The following STAG1 variants were observed in gnomAD, a reference collection of about 807,000 sequenced individuals.
STAG1 encodes STAG1 cohesin complex component.
STAG1 carries 26 observed loss-of-function variants against 170.9 expected under a neutral mutation model. That is an observed-to-expected ratio of 0.15 (90% CI 0.11 to 0.21). STAG1 has a LOEUF of 0.21. STAG1 is among the 10% of genes least tolerant of loss of function. The pLI is 1.00. For missense variants in STAG1, 964 were observed against 1,509.5 expected (o/e 0.64, Z 5.99); for synonymous variants, 514 against 497.7 (o/e 1.03, Z -0.44).
rs548086609 is a variant in STAG1, at chr3:136,582,150, C to A, written c.298-13289G>T. Among the ~76,000 whole-genome samples, 31 of 145,142 alleles carry A rather than the reference C, an allele frequency of 2.1e-4. No individual in the cohort carries two copies. The South Asian group carries it at 5.7e-3, about 27-fold the overall frequency. ...GCTAAGTGGATACAAAAAGTGCTTA[C>A]CATAGTTCCTGCTATAGGAAAACAT... On this transcript the variant is annotated intron_variant, in intron 4 of 33. Transcript: ENST00000383202.
chr3:136,566,757 T>G (rs909324932), intron 5 of STAG1, among the ~76,000 whole-genome samples: 4 of 152,190 alleles, frequency 2.6e-5, no homozygotes, highest in Non-Finnish European at 5.9e-5. Flanking sequence ...CTACAGACAT[T>G]CTTTATAAAG....
At chr3:136,369,080 A>C in intron 24 of STAG1, 28 bp downstream of exon 24, 1 of 1,451,028 alleles carries the variant, frequency 6.9e-7, no homozygotes, top group Non-Finnish European at 9.1e-7. Flanking sequence ...AAAAAAATCA[A>C]TATTGACAAG....
intron 21 of STAG1, among the ~76,000 whole-genome samples, chr3:136,404,861 A>ATG (rs1426512485): frequency 2.0e-4 from 21 of 103,070 alleles, no homozygotes; most frequent in East Asian, 4.0e-4. Context: ...AATTATGCAT[A>ATG]TATGTGTGTG....
At chr3:136,559,632 G>C (rs1235403738) in intron 5 of STAG1, among the ~76,000 whole-genome samples, 1 of 152,078 alleles carries the variant, frequency 6.6e-6, no homozygotes, top group Non-Finnish European at 1.5e-5. Context: ...AAATGATATG[G>C]GTAATGTGGA....
intron 9 of STAG1, among the ~76,000 whole-genome samples, chr3:136,498,449 T>A (rs1180933646): frequency 1.3e-5 from 2 of 150,464 alleles, no homozygotes; most frequent in African/African-American, 2.4e-5. Context: ...CTAGAAAATG[T>A]AAATAATCAG....
chr3:136,503,191 T>C (rs1933576183), intron 7 of STAG1, among the ~76,000 whole-genome samples: 2 of 152,216 alleles, frequency 1.3e-5, no homozygotes, highest in South Asian at 4.1e-4. Context: ...AAAGGTACCT[T>C]AGATGTTTTA....
chr3:136,472,141 T>C (rs975602454), intron 12 of STAG1, among the ~76,000 whole-genome samples: 12 of 152,198 alleles, frequency 7.9e-5, no homozygotes, highest in Non-Finnish European at 1.5e-4. Flanking sequence ...TGGGCCTGCT[T>C]TGTTTTAAAC....
intron 24 of STAG1, 118 bp from the exon 25 acceptor site, chr3:136,367,200 C>A: frequency 1.2e-6 from 1 of 832,896 alleles, no homozygotes. Context: ...TAGTACAATT[C>A]AGTTTTAGAT....
At chr3:136,375,969 A>AAAATAAATAAAT (rs3072456) in intron 23 of STAG1, among the ~76,000 whole-genome samples, 7,802 of 124,604 alleles carry the variant, frequency 0.063, 721 homozygotes, top group African/African-American at 0.2. Flanking sequence ...ACTCCGTCTC[A>AAAATAAATAAAT]AAATAAATAA....
At chr3:136,637,681 T>A (rs950293067) in intron 1 of STAG1, among the ~76,000 whole-genome samples, 16 of 152,048 alleles carry the variant, frequency 1.1e-4, no homozygotes, top group Non-Finnish European at 1.8e-4. Flanking sequence ...TTCTCATACA[T>A]CAAACTGGAA....
At chr3:136,407,391 A>C (rs1266409250) in intron 21 of STAG1, among the ~76,000 whole-genome samples, 1 of 152,188 alleles carries the variant, frequency 6.6e-6, no homozygotes, top group Non-Finnish European at 1.5e-5. Context: ...ATTTATACCT[A>C]AGTATTTCAT....
chr3:136,428,686 A>G (rs543997796), intron 16 of STAG1, among the ~76,000 whole-genome samples: 75 of 152,342 alleles, frequency 4.9e-4, no homozygotes, highest in Non-Finnish European at 3.2e-4. Flanking sequence ...CCCAAAATAA[A>G]TACCTGTTGG....
chr3:136,365,226 T>C (rs918516264), intron 25 of STAG1, among the ~76,000 whole-genome samples: 9 of 152,188 alleles, frequency 5.9e-5, no homozygotes, highest in African/African-American at 2.2e-4. Flanking sequence ...ATGCCCTTTA[T>C]TTCCTGCTAA....
intron 21 of STAG1, among the ~76,000 whole-genome samples, chr3:136,409,905 C>T (rs2087578568): frequency 6.6e-6 from 1 of 150,568 alleles, no homozygotes; most frequent in African/African-American, 2.4e-5. Flanking sequence ...ATAGCGAGAC[C>T]CCATCTCTAT....
At chr3:136,471,654 CT>C (rs1332261898) in intron 12 of STAG1, among the ~76,000 whole-genome samples, 1 of 152,098 alleles carries the variant, frequency 6.6e-6, no homozygotes, top group Non-Finnish European at 1.5e-5. Context: ...CACATAGATT[CT>C]TGCTAGTTTT....
intron 1 of STAG1, among the ~76,000 whole-genome samples, chr3:136,715,669 G>A (rs1050849890): frequency 4.0e-5 from 6 of 151,464 alleles, no homozygotes; most frequent in Non-Finnish European, 5.9e-5. Context: ...TTAACTTTAT[G>A]TGTTTTATTT....
chr3:136,685,924 G>GAA (rs34841007), intron 1 of STAG1, among the ~76,000 whole-genome samples: 99,531 of 151,758 alleles, frequency 0.66, 34,939 homozygotes, highest in African/African-American at 0.9. Context: ...GAAGAATAAA[G>GAA]AAGATTGGGG....
At chr3:136,422,693 G>C in intron 18 of STAG1, 75 bp downstream of exon 18, 1 of 1,517,924 alleles carries the variant, frequency 6.6e-7, no homozygotes, top group Non-Finnish European at 9.0e-7. Context: ...CAAATAACAA[G>C]TCTATAAGAG....
At chr3:136,378,658 A>T (rs771518532) in intron 22 of STAG1, among the ~76,000 whole-genome samples, 2 of 152,152 alleles carry the variant, frequency 1.3e-5, no homozygotes, top group Non-Finnish European at 2.9e-5. Flanking sequence ...ACAGAGCAAG[A>T]CCCTGGCTTA....
Sources: allele counts gnomAD v4.1 joint callset (sites outside exome capture counted in the v4.1 genomes callset), GRCh38; gene constraint gnomAD v4.1.1; transcripts MANE v1.5; gene names NCBI Gene and HGNC (gene_info 2026-07-23, HGNC 2026-07-21).